Variants in CDH18 observed in about 807,000 individuals in gnomAD.
CDH18 encodes the protein cadherin-18.
Under a neutral mutation model 67.9 loss-of-function variants are expected in CDH18, and 31 were observed. The observed-to-expected ratio is 0.46, with a 90% CI of 0.34 to 0.62. The LOEUF (loss-of-function observed/expected upper bound fraction) is 0.62. Among genes scored for constraint, CDH18 ranks in the 20% least tolerant of loss-of-function variants. The pLI, the probability that CDH18 is intolerant of heterozygous loss-of-function variation, is 0.01. For missense variants in CDH18, 890 were observed against 975.5 expected (o/e 0.91, Z 1.17); for synonymous variants, 362 against 347.2 (o/e 1.04, Z -0.48).
chr5:19,754,203 A>AAGAT (rs139946775), intron 3 of CDH18, among the ~76,000 whole-genome samples: 1,885 of 152,246 alleles, frequency 0.012, 32 homozygotes, highest in African/African-American at 0.043. Context: ...CTCCACTTAA[A>AAGAT]AGATACAGAA....
intron 1 of CDH18, among the ~76,000 whole-genome samples, chr5:20,570,441 A>T (rs982062631): frequency 3.3e-5 from 5 of 152,170 alleles, no homozygotes; most frequent in African/African-American, 1.2e-4. Context: ...ATAATGCCTC[A>T]CTACTGGATC....
At chr5:20,050,418 G>A (rs1361914641) in intron 2 of CDH18, among the ~76,000 whole-genome samples, 6 of 151,764 alleles carry the variant, frequency 4.0e-5, no homozygotes, top group Non-Finnish European at 7.4e-5. Context: ...TTTCTGAATG[G>A]ACAGTTACAA....
intron 1 of CDH18, among the ~76,000 whole-genome samples, chr5:20,362,575 A>C (rs995557212): frequency 2.0e-5 from 3 of 152,154 alleles, no homozygotes; most frequent in Admixed American, 2.0e-4. Flanking sequence ...AGTTGTATAG[A>C]TCACTGACAA....
intron 3 of CDH18, among the ~76,000 whole-genome samples, chr5:19,801,808 T>G (rs1302627232): frequency 6.6e-6 from 1 of 152,182 alleles, no homozygotes; most frequent in Non-Finnish European, 1.5e-5. Flanking sequence ...GAAAGAGCTT[T>G]TGGTCTCCCA....
At chr5:20,093,241 A>T (rs1362391871) in intron 2 of CDH18, among the ~76,000 whole-genome samples, 1 of 152,004 alleles carries the variant, frequency 6.6e-6, no homozygotes, top group Admixed American at 6.6e-5. Flanking sequence ...ACACATACAC[A>T]CACACACACT....
At chr5:19,716,593 G>A (rs528704196) in intron 5 of CDH18, among the ~76,000 whole-genome samples, 1 of 151,994 alleles carries the variant, frequency 6.6e-6, no homozygotes, top group African/African-American at 2.4e-5. Flanking sequence ...ATCTGAGATA[G>A]TGTTCTATCT....
intron 2 of CDH18, among the ~76,000 whole-genome samples, chr5:19,845,098 T>A (rs562830734): frequency 2.0e-5 from 3 of 152,286 alleles, no homozygotes; most frequent in African/African-American, 7.2e-5. Flanking sequence ...ATTTTCAGCT[T>A]CTTTTAAAAA....
chr5:19,722,273 T>C (rs939632407), intron 4 of CDH18, among the ~76,000 whole-genome samples: 4 of 151,806 alleles, frequency 2.6e-5, no homozygotes, highest in African/African-American at 7.3e-5. Context: ...AGGTTGGTCT[T>C]GAACTCCTGA....
intron 3 of CDH18, among the ~76,000 whole-genome samples, chr5:19,827,033 A>C (rs1780484011): frequency 6.6e-6 from 1 of 152,158 alleles, no homozygotes; most frequent in Non-Finnish European, 1.5e-5. Context: ...GGGGATGGAG[A>C]AAAATCTACC....
chr5:20,329,768 C>CAA (rs60246535), intron 1 of CDH18, among the ~76,000 whole-genome samples: 11,765 of 62,510 alleles, frequency 0.19, 2,520 homozygotes, highest in Admixed American at 0.22. Flanking sequence ...GAAACTCCAT[C>CAA]AAAAAAAAAA....
intron 1 of CDH18, chr5:20,304,592 A>G: frequency 6.2e-7 from 1 of 1,612,042 alleles, no homozygotes; most frequent in East Asian, 2.2e-5. Flanking sequence ...AGGGGGACAG[A>G]GCTTAATGAG....
chr5:19,655,922 C>A (rs1288811019), intron 5 of CDH18, among the ~76,000 whole-genome samples: 1 of 150,264 alleles, frequency 6.7e-6, no homozygotes, highest in African/African-American at 2.4e-5. Context: ...AAGATGAAAG[C>A]AAATTGATTC....
At chr5:20,205,213 C>T (rs549629352) in intron 2 of CDH18, among the ~76,000 whole-genome samples, 190 of 151,688 alleles carry the variant, frequency 1.3e-3, no homozygotes, top group African/African-American at 3.3e-3. Flanking sequence ...AGCTGGAAAC[C>T]GAAAATGAGC....
rs147562340 is a variant in CDH18, at chr5:20,151,698, C to T, written c.-518+103746G>A. Among the ~76,000 whole-genome samples the T allele has an allele frequency of 4.0e-4, 61 of 152,072 alleles. No homozygotes were observed. The East Asian group carries it at 0.011, about 27-fold the overall frequency. ...TCATTCTGACTGGTGTGAGACGGTA[C>T]GTCAAATACTTCTTTTCCCAAAGCA... On this transcript the variant is annotated intron_variant, in intron 2 of 14. Transcript: ENST00000507958.
intron 3 of CDH18, among the ~76,000 whole-genome samples, chr5:19,772,169 A>G (rs1773804438): frequency 6.6e-6 from 1 of 152,112 alleles, no homozygotes; most frequent in Non-Finnish European, 1.5e-5. Flanking sequence ...TTTCCTACCC[A>G]CAGCCCAAAA....
At chr5:19,651,765 C>T (rs553291632) in intron 5 of CDH18, among the ~76,000 whole-genome samples, 2 of 152,032 alleles carry the variant, frequency 1.3e-5, no homozygotes, top group Non-Finnish European at 2.9e-5. Flanking sequence ...ATAGTAAAAA[C>T]AATAATTATC....
chr5:19,543,087 T>C (rs1346760476), intron 9 of CDH18, among the ~76,000 whole-genome samples: 1 of 152,172 alleles, frequency 6.6e-6, no homozygotes, highest in Non-Finnish European at 1.5e-5. Context: ...TAAATGTATG[T>C]ATAACCTCTT....
intron 2 of CDH18, among the ~76,000 whole-genome samples, chr5:20,000,198 T>C (rs1036475027): frequency 3.9e-5 from 6 of 152,204 alleles, no homozygotes; most frequent in African/African-American, 1.4e-4. Context: ...GTGGGGATAC[T>C]GTCTACACAA....
chr5:19,496,064 A>G (rs796772675), intron 11 of CDH18, among the ~76,000 whole-genome samples: 9 of 152,308 alleles, frequency 5.9e-5, no homozygotes, highest in African/African-American at 2.2e-4. Context: ...ACAGAATGCT[A>G]AACCTCTAAG....
Sources: allele counts gnomAD v4.1 joint callset (sites outside exome capture counted in the v4.1 genomes callset), GRCh38; gene constraint gnomAD v4.1.1; transcripts MANE v1.5; gene names NCBI Gene and HGNC (gene_info 2026-07-23, HGNC 2026-07-21).